The following LIFR variants were observed in gnomAD, a reference collection of about 807,000 sequenced individuals.
LIFR encodes the protein LIF receptor subunit alpha.
In LIFR, 84 loss-of-function variants were observed where a neutral mutation model predicts 122.2. That is an observed-to-expected ratio of 0.69 (90% CI 0.58 to 0.82). The LOEUF (loss-of-function observed/expected upper bound fraction) is 0.82, where lower values mean the gene tolerates loss of function less well. LIFR is among the 40% of genes least tolerant of loss of function. The pLI is 0.00. For missense variants in LIFR, 1,294 were observed against 1,311.6 expected, an observed-to-expected ratio of 0.99 and a Z score of 0.21; for synonymous variants, 422 against 434.7, an observed-to-expected ratio of 0.97 and a Z score of 0.36.
rs924540477 is a variant in LIFR, at chr5:38,506,397, A to G, written c.1121+106T>C. The stretch of plus-strand genomic sequence containing the variant: ...AATTTTATACAGCATATTTGGTTTT[A>G]TATCTTGTTTGTAACATAAATGATC... On this transcript the variant is annotated intron_variant, in intron 8 of 19. Transcript: ENST00000453190. The G allele has an allele frequency of 6.6e-6, 9 of 1,370,370 alleles. No individual in the cohort carries two copies. The Admixed American group carries it at 6.7e-5, about 10-fold the overall frequency. 84.9% of individuals were successfully genotyped at this position (1,370,370 alleles called of 1,614,324 possible).
chr5:38,538,155 C>CT (rs1237316553), intron 1 of LIFR, among the ~76,000 whole-genome samples: 1 of 152,224 alleles, frequency 6.6e-6, no homozygotes, highest in East Asian at 1.9e-4. Flanking sequence ...CCCAACACCA[C>CT]TTATTAGGTA....
At chr5:38,527,318 A>T in intron 3 of LIFR, 24 bp from the exon 4 acceptor site, 1 of 1,428,408 alleles carries the variant, frequency 7.0e-7, no homozygotes, top group Non-Finnish European at 9.8e-7. Context: ...TTGAATTTTA[A>T]TTAGCAAATA....
Position 38,484,844 on chromosome 5 carries a change from A to G in LIFR, c.2522T>C (p.Leu841Pro), listed in dbSNP as rs748726532. The stretch of plus-strand genomic sequence containing the variant: ...AATGACAGCCACTGCCACTGGGATG[A>G]GAATGGCAATAATTAATCCCACAGC... ...ENSVGLIIAILIPVAVAVIVG... is the reference protein window; with the variant it reads ...ENSVGLIIAIPIPVAVAVIVG... Residue 841 changes from leucine to proline, a missense_variant, in exon 18 of 20, where the codon CTC becomes CCC. Physicochemically the swap from Leu to Pro is moderately conservative, Grantham distance 98. Transcript: ENST00000453190. 1 of 1,613,418 alleles carries G rather than the reference A, an allele frequency of 6.2e-7. No homozygotes were observed. The highest frequency in any genetic ancestry group is 8.5e-7 in the Non-Finnish European group (1 of 1,179,380).
At chr5:38,587,332 T>G (rs1368626217) in intron 1 of LIFR, among the ~76,000 whole-genome samples, 1 of 152,062 alleles carries the variant, frequency 6.6e-6, no homozygotes, top group Non-Finnish European at 1.5e-5. Flanking sequence ...AAAAAGATGT[T>G]TAAGCCTGGA....
chr5:38,478,534 C>T lies in LIFR; in HGVS notation c.*3061G>A. Reference sequence around the variant, plus strand: ...ACCTAGATTGCATACATGTGCTAATCTATGCAATATATGATTCACAAGGTT... The same window carrying T: ...ACCTAGATTGCATACATGTGCTAATTTATGCAATATATGATTCACAAGGTT... On this transcript the variant is annotated 3_prime_UTR_variant, in exon 20 of 20. Coordinates refer to ENST00000453190, the MANE Select transcript of LIFR (RefSeq NM_001127671.2). 5.0e-6 allele frequency: 1 copy of T among 198,470 alleles called. No homozygotes were observed. The highest frequency in any genetic ancestry group is 1.0e-5 in the Non-Finnish European group (1 of 95,690). The allele number at this position is 198,470 out of a possible 1,614,324, so 12.3% of individuals were successfully genotyped here. A position where few individuals can be genotyped will look rare whatever the true frequency, so the allele number is the denominator to read the frequency against.
intron 5 of LIFR, among the ~76,000 whole-genome samples, chr5:38,517,321 A>C (rs1746136270): frequency 6.6e-6 from 1 of 152,226 alleles, no homozygotes; most frequent in Non-Finnish European, 1.5e-5. Context: ...TGCAGACCCC[A>C]GAGCAAATAT....
At chr5:38,538,375 C>T (rs1030352041) in intron 1 of LIFR, among the ~76,000 whole-genome samples, 1 of 152,192 alleles carries the variant, frequency 6.6e-6, no homozygotes, top group African/African-American at 2.4e-5. Flanking sequence ...TACAGATTAA[C>T]CATTCACTAG....
chr5:38,477,061 C>G lies in LIFR; in HGVS notation c.*4534G>C, dbSNP rs943686232. The G allele has an allele frequency of 4.5e-6, 1 of 224,544 alleles. No individual in the cohort carries two copies. The highest frequency in any genetic ancestry group is 8.9e-6 in the Non-Finnish European group (1 of 112,714). The allele number at this position is 224,544 out of a possible 1,614,324, so 13.9% of individuals were successfully genotyped here. A position where few individuals can be genotyped will look rare whatever the true frequency, so the allele number is the denominator to read the frequency against. On this transcript the variant is annotated 3_prime_UTR_variant, in exon 20 of 20. Transcript: ENST00000453190. Reference sequence around the variant, plus strand: ...GTACAATAAAGCCTGAAATAGCCAACTAATTGAATGTTATTCTTAATCCTT... The same window carrying G: ...GTACAATAAAGCCTGAAATAGCCAAGTAATTGAATGTTATTCTTAATCCTT...
At chr5:38,570,721 A>C (rs1749181320) in intron 1 of LIFR, among the ~76,000 whole-genome samples, 1 of 152,206 alleles carries the variant, frequency 6.6e-6, no homozygotes, top group African/African-American at 2.4e-5. Flanking sequence ...AACGTTAGCC[A>C]ATTTGTGTCT....
At chr5:38,507,682 C>T (rs953569478) in intron 7 of LIFR, among the ~76,000 whole-genome samples, 12 of 151,600 alleles carry the variant, frequency 7.9e-5, no homozygotes, top group Non-Finnish European at 1.6e-4. Context: ...GGTATTTCCT[C>T]TCTCATATTT....
intron 5 of LIFR, among the ~76,000 whole-genome samples, chr5:38,516,436 T>C (rs1377629289): frequency 6.6e-6 from 1 of 152,142 alleles, no homozygotes; most frequent in Non-Finnish European, 1.5e-5. Context: ...AAAGAAGACA[T>C]TTATGTGGCC....
intron 6 of LIFR, among the ~76,000 whole-genome samples, chr5:38,510,944 TTTTA>T (rs1011156884): frequency 4.7e-5 from 7 of 149,062 alleles, no homozygotes; most frequent in African/African-American, 1.7e-4. Flanking sequence ...GTGTATGTGG[TTTTA>T]TTTACTTATG....
rs186434048 is a variant in LIFR at position 38,479,624 on chromosome 5, A to G, written c.*1971T>C. On this transcript the variant is annotated 3_prime_UTR_variant, in exon 20 of 20. Transcript: ENST00000453190. ...AGCCACACTTATCCTTGTCCTGGAG[A>G]GATAAAGTACGGGATTGATACATTT... 1.6e-3 allele frequency: 361 copies of G among 230,416 alleles called. 1 individual carries two copies. The highest frequency in any genetic ancestry group is 7.4e-3 in the African/African-American group (335 of 45,270). 14.3% of individuals were successfully genotyped at this position (230,416 alleles called of 1,614,324 possible).
intron 2 of LIFR, 103 bp downstream of exon 2, chr5:38,530,403 C>T (rs1172276563): frequency 2.3e-5 from 22 of 974,428 alleles, no homozygotes; most frequent in Non-Finnish European, 3.6e-5. Flanking sequence ...GAATTTTAAC[C>T]AACAAAATCC....
chr5:38,530,729 G>T, intron 1 of LIFR, 63 bp from the exon 2 acceptor site: 1 of 1,314,316 alleles, frequency 7.6e-7, no homozygotes, highest in Non-Finnish European at 1.1e-6. Context: ...CTTATACTGT[G>T]CACACAAACA....
chr5:38,494,280 T>C (rs1423223227), intron 13 of LIFR, among the ~76,000 whole-genome samples: 4 of 152,120 alleles, frequency 2.6e-5, no homozygotes, highest in Non-Finnish European at 4.4e-5. Context: ...CCCTCTTTCT[T>C]TCAACGAAGA....
At chr5:38,588,569 T>C (rs1749823379) in intron 1 of LIFR, among the ~76,000 whole-genome samples, 1 of 152,204 alleles carries the variant, frequency 6.6e-6, no homozygotes, top group African/African-American at 2.4e-5. Flanking sequence ...TTACATGTGG[T>C]TGGAGTTGCT....
chr5:38,550,518 T>C (rs1424361886), intron 1 of LIFR, among the ~76,000 whole-genome samples: 1 of 152,224 alleles, frequency 6.6e-6, no homozygotes, highest in African/African-American at 2.4e-5. Context: ...TGGGTTTTAA[T>C]AGCAACATGC....
At chr5:38,535,407 T>C (rs140321222) in intron 1 of LIFR, among the ~76,000 whole-genome samples, 16 of 152,300 alleles carry the variant, frequency 1.1e-4, no homozygotes, top group Non-Finnish European at 2.4e-4. Context: ...GGTTGCACAA[T>C]TCATGTTCCA....
Sources: allele counts gnomAD v4.1 joint callset (sites outside exome capture counted in the v4.1 genomes callset), GRCh38; gene constraint gnomAD v4.1.1; transcripts MANE v1.5; gene names NCBI Gene and HGNC (gene_info 2026-07-23, HGNC 2026-07-21).